The following MPDZ variants were observed in gnomAD, a reference collection of about 807,000 sequenced individuals.
The protein encoded by MPDZ is multiple PDZ domain crumbs cell polarity complex component.
MPDZ carries 234 observed loss-of-function variants against 239.1 expected under a neutral mutation model. That is an observed-to-expected ratio of 0.98 (90% CI 0.88 to 1.09). The LOEUF (loss-of-function observed/expected upper bound fraction) is 1.09. MPDZ is among the 50% of genes least tolerant of loss of function. The pLI, the probability that MPDZ is intolerant of heterozygous loss-of-function variation, is 0.00. For missense variants in MPDZ, 3,175 were observed against 2,510.0 expected, an observed-to-expected ratio of 1.26 and a Z score of -5.66; for synonymous variants, 1,048 against 881.3, an observed-to-expected ratio of 1.19 and a Z score of -3.35.
Position 13,175,620 on chromosome 9 carries a change from T to A in MPDZ, c.3055+132A>T, listed in dbSNP as rs1039329719. 46 of 958,652 alleles carry A rather than the reference T, an allele frequency of 4.8e-5. No individual in the cohort carries two copies. The East Asian group carries it at 1.2e-3, about 26-fold the overall frequency. The allele number at this position is 958,652 out of a possible 1,614,324, so 59.4% of individuals were successfully genotyped here. Reference sequence around the variant, plus strand: ...CAAAAAAATAATGAGGACATAGAAATAAAAACTACAGGAAAATTTCTACCA... The same window carrying A: ...CAAAAAAATAATGAGGACATAGAAAAAAAAACTACAGGAAAATTTCTACCA... On this transcript the variant is annotated intron_variant, in intron 21 of 46. Transcript: ENST00000319217.
intron 1 of MPDZ, among the ~76,000 whole-genome samples, chr9:13,258,961 T>A (rs551242404): frequency 6.6e-6 from 1 of 152,254 alleles, no homozygotes; most frequent in East Asian, 1.9e-4. Context: ...ATGGAAATGC[T>A]GTAGTCCCAG....
At chr9:13,134,822 T>C (rs1251381715) in intron 31 of MPDZ, 1 of 152,248 alleles carries the variant, frequency 6.6e-6, no homozygotes, top group Non-Finnish European at 1.5e-5. Flanking sequence ...TCTTGCTACA[T>C]GGCAGCATGT....
chr9:13,107,717 C>T (rs1474574832), intron 46 of MPDZ, among the ~76,000 whole-genome samples: 1 of 152,112 alleles, frequency 6.6e-6, no homozygotes, highest in Non-Finnish European at 1.5e-5. Flanking sequence ...CTTCATATTC[C>T]TTATGGACCC....
At chr9:13,140,198 A>C in intron 27 of MPDZ, 49 bp from the exon 28 acceptor site, 2 of 1,555,314 alleles carry the variant, frequency 1.3e-6, no homozygotes, top group East Asian at 2.3e-5. Context: ...TAAGGAAGAA[A>C]ACTTCAAGAA....
chr9:13,117,948 G>C (rs936713965), intron 39 of MPDZ, among the ~76,000 whole-genome samples: 2 of 150,792 alleles, frequency 1.3e-5, no homozygotes, highest in Admixed American at 6.6e-5. Flanking sequence ...GGGTTCAGGC[G>C]ATTCTCCTGC....
At chr9:13,265,043 A>G (rs1331589631) in intron 1 of MPDZ, among the ~76,000 whole-genome samples, 1 of 152,242 alleles carries the variant, frequency 6.6e-6, no homozygotes, top group African/African-American at 2.4e-5. Flanking sequence ...GGTGAACACA[A>G]CAATGTGTCA....
At chr9:13,236,748 A>T (rs7043857) in intron 3 of MPDZ, among the ~76,000 whole-genome samples, 55,666 of 151,812 alleles carry the variant, frequency 0.37, 11,134 homozygotes, top group African/African-American at 0.52. Flanking sequence ...CTTGAAGTTA[A>T]AACATAGTTT....
chr9:13,121,709 G>A (rs1049541267), intron 38 of MPDZ, 30 bp downstream of exon 38: 5 of 1,607,948 alleles, frequency 3.1e-6, no homozygotes, highest in Non-Finnish European at 4.3e-6. Context: ...ATTTCCAAGG[G>A]AGCATTGGGT....
intron 3 of MPDZ, among the ~76,000 whole-genome samples, chr9:13,234,633 G>A (rs1014250731): frequency 6.6e-6 from 1 of 152,128 alleles, no homozygotes; most frequent in East Asian, 1.9e-4. Flanking sequence ...AATTAGGTTA[G>A]TAAGAAAAAA....
At chr9:13,260,299 T>TA (rs1181442286) in intron 1 of MPDZ, among the ~76,000 whole-genome samples, 1 of 151,602 alleles carries the variant, frequency 6.6e-6, no homozygotes. Flanking sequence ...AAAAGGAAAA[T>TA]AAAGGAAAAT....
chr9:13,130,250 A>T (rs1465653090), intron 32 of MPDZ, among the ~76,000 whole-genome samples: 3 of 152,208 alleles, frequency 2.0e-5, no homozygotes, highest in South Asian at 4.1e-4. Flanking sequence ...TCCCATTTTT[A>T]AAAAATATAA....
At chr9:13,173,635 A>G (rs937556420) in intron 21 of MPDZ, among the ~76,000 whole-genome samples, 3 of 151,432 alleles carry the variant, frequency 2.0e-5, no homozygotes, top group Non-Finnish European at 1.5e-5. Context: ...AACTCAGGAG[A>G]CGGAAGTTGC....
In MPDZ at chr9:13,109,979, G is replaced by C; in HGVS notation, c.5915C>G (p.Ser1972Ter). The stretch of plus-strand genomic sequence containing the variant: ...TAAATCATCCTGAAATATACTGCTT[G>C]ACGTCAGCCCAGTGAAAGAAAGACT... ...SSSLSFTGLT[S>*]SSIFQDDLGP... The change falls in exon 45 of 47, where the codon TCA (serine) becomes TGA (stop). Residue 1972 changes from serine (S) to a stop codon, truncating the protein, a stop_gained. Coordinates refer to ENST00000319217, the MANE Select transcript of MPDZ (RefSeq NM_001378778.1). LOFTEE classifies it high-confidence loss of function. The C allele has an allele frequency of 6.2e-7, 1 of 1,613,072 alleles. No homozygotes were observed. Among genetic ancestry groups the C allele is most frequent in the Non-Finnish European group, 8.5e-7 (1 of 1,179,640 alleles).
intron 30 of MPDZ, 121 bp downstream of exon 30, chr9:13,136,591 G>C: frequency 1.4e-6 from 1 of 689,770 alleles, no homozygotes; most frequent in Non-Finnish European, 2.5e-6. Context: ...CTCCCAAAGT[G>C]CTGGGATTAC....
intron 21 of MPDZ, among the ~76,000 whole-genome samples, chr9:13,170,030 T>G (rs1381612754): frequency 6.6e-6 from 1 of 152,170 alleles, no homozygotes; most frequent in Non-Finnish European, 1.5e-5. Context: ...ATCTTATAAA[T>G]TATATTTGAA....
At chr9:13,260,715 C>T (rs1039843551) in intron 1 of MPDZ, among the ~76,000 whole-genome samples, 2 of 152,138 alleles carry the variant, frequency 1.3e-5, no homozygotes, top group Admixed American at 1.3e-4. Flanking sequence ...TATGTGCAAG[C>T]ACTGAGGAAA....
chr9:13,231,942 T>C (rs970741067), intron 3 of MPDZ, among the ~76,000 whole-genome samples: 2 of 152,038 alleles, frequency 1.3e-5, no homozygotes, highest in Non-Finnish European at 2.9e-5. Flanking sequence ...CACTTGAAAA[T>C]CGTTTAGTCT....
intron 32 of MPDZ, among the ~76,000 whole-genome samples, chr9:13,127,955 A>G (rs1945362773): frequency 6.6e-6 from 1 of 152,198 alleles, no homozygotes; most frequent in African/African-American, 2.4e-5. Context: ...GTCACATAAC[A>G]GTCATGAAAA....
Position 13,110,070 on chromosome 9 carries a change from C to T in MPDZ, c.5830-6G>A, listed in dbSNP as rs1178252669. The T allele has an allele frequency of 1.2e-6, 2 of 1,607,988 alleles. No individual in the cohort carries two copies. The highest frequency in any genetic ancestry group is 2.2e-5 in the East Asian group (1 of 44,806). On this transcript the variant is annotated splice_polypyrimidine_tract_variant and splice_region_variant and intron_variant, in intron 44 of 46. Transcript: ENST00000319217. ...ACGTCTCCTCCAGCAACCACCTGCG[C>T]ACAGGAGGAGGATAAACAGAAAAAA...
Sources: gnomAD v4.1 joint callset for allele counts (sites outside exome capture counted in the v4.1 genomes callset) on GRCh38, gnomAD v4.1.1 for gene constraint, MANE v1.5 for transcripts, NCBI Gene and HGNC (gene_info 2026-07-23, HGNC 2026-07-21) for gene names.